Variants in PTPRO observed in about 807,000 individuals in gnomAD.
PTPRO encodes the protein receptor-type tyrosine-protein phosphatase O.
Under a neutral mutation model 145.2 loss-of-function variants are expected in PTPRO, and 62 were observed. That is an observed-to-expected ratio of 0.43 (90% CI 0.35 to 0.53). PTPRO has a LOEUF of 0.53. Among genes scored for constraint, PTPRO ranks in the 20% least tolerant of loss-of-function variants. PTPRO has a pLI of 0.01. For synonymous variants in PTPRO, 565 were observed against 514.7 expected (o/e 1.10, Z -1.32); for missense variants, 1,345 against 1,482.7 (o/e 0.91, Z 1.53).
intron 18 of PTPRO, among the ~76,000 whole-genome samples, chr12:15,568,709 T>C (rs545575053): frequency 6.6e-6 from 1 of 152,328 alleles, no homozygotes; most frequent in South Asian, 2.1e-4. Context: ...GAACTTCTGC[T>C]GCGGATGCAG....
At chr12:15,489,093 A>G (rs527736822) in intron 2 of PTPRO, among the ~76,000 whole-genome samples, 1 of 152,198 alleles carries the variant, frequency 6.6e-6, no homozygotes, top group Non-Finnish European at 1.5e-5. Flanking sequence ...TATCAGGTAC[A>G]TTCTCTGTGC....
intron 1 of PTPRO, among the ~76,000 whole-genome samples, chr12:15,442,295 A>AT (rs988683446): frequency 3.9e-5 from 6 of 152,056 alleles, no homozygotes; most frequent in South Asian, 2.1e-4. Context: ...AAATCCAACA[A>AT]TTTTTTGTGA....
chr12:15,376,557 A>G (rs1179596611), intron 1 of PTPRO, among the ~76,000 whole-genome samples: 1 of 152,196 alleles, frequency 6.6e-6, no homozygotes. Context: ...GTCTTAGTTC[A>G]TTCAGAATGC....
At chr12:15,463,932 G>C (rs1480522060) in intron 1 of PTPRO, among the ~76,000 whole-genome samples, 1 of 152,224 alleles carries the variant, frequency 6.6e-6, no homozygotes, top group Non-Finnish European at 1.5e-5. Flanking sequence ...TGGTTATGTG[G>C]ATGGATAGAT....
Position 15,560,271 on chromosome 12 carries a change from T to A in PTPRO, c.2706T>A (p.Asn902Lys). 1 of 1,570,702 alleles carries A rather than the reference T, an allele frequency of 6.4e-7. No homozygotes were observed. Among genetic ancestry groups the A allele is most frequent in the Non-Finnish European group, 8.8e-7 (1 of 1,141,382 alleles). The change falls in exon 17 of 27, where the codon AAT (asparagine) becomes AAA (lysine). Residue 902 changes from asparagine to lysine, a missense_variant. Asn to Lys is a moderately conservative substitution (Grantham distance 94). Around this residue, in one of 3 missense-constraint regions of PTPRO, gnomAD observed 1,130 missense variants for 1,214.7 expected, o/e 0.93. Transcript: ENST00000281171. ...WTDYLLAFYI[N>K]PWSKNGLKKR... ...ATTATCTTTTGGCATTTTATATTAA[T>A]CCTTGGTAAGTGATTTTTTTTTACT...
intron 1 of PTPRO, among the ~76,000 whole-genome samples, chr12:15,460,839 A>G (rs1176867629): frequency 6.6e-6 from 1 of 152,196 alleles, no homozygotes; most frequent in South Asian, 2.1e-4. Context: ...AGAAGTTGGC[A>G]TAACCTGTGC....
chr12:15,556,494 T>C (rs1943629575), intron 15 of PTPRO, among the ~76,000 whole-genome samples: 1 of 152,082 alleles, frequency 6.6e-6, no homozygotes, highest in Non-Finnish European at 1.5e-5. Context: ...ATGTTTACTT[T>C]TTCTCTACTT....
intron 1 of PTPRO, among the ~76,000 whole-genome samples, chr12:15,444,479 TC>T (rs1462451259): frequency 6.6e-6 from 1 of 151,518 alleles, no homozygotes; most frequent in Non-Finnish European, 1.5e-5. Context: ...TACCCCCAAA[TC>T]AAAACTAAAA....
At chr12:15,380,287 TAGTC>T (rs1279131053) in intron 1 of PTPRO, among the ~76,000 whole-genome samples, 2 of 152,076 alleles carry the variant, frequency 1.3e-5, no homozygotes, top group Non-Finnish European at 2.9e-5. Context: ...AGAAAAATAA[TAGTC>T]AGGGACAATT....
chr12:15,443,739 T>C (rs926039604), intron 1 of PTPRO, among the ~76,000 whole-genome samples: 1 of 151,846 alleles, frequency 6.6e-6, no homozygotes, highest in Non-Finnish European at 1.5e-5. Context: ...GAAAAGATGC[T>C]CATCATCACT....
chr12:15,469,199 T>A (rs1941482868), intron 1 of PTPRO, among the ~76,000 whole-genome samples: 1 of 152,176 alleles, frequency 6.6e-6, no homozygotes. Flanking sequence ...TTTCAATAAG[T>A]GGGACAGCTA....
intron 7 of PTPRO, among the ~76,000 whole-genome samples, 175 bp from the exon 8 acceptor site, chr12:15,515,323 T>A (rs968657737): frequency 6.6e-6 from 1 of 152,148 alleles, no homozygotes; most frequent in Non-Finnish European, 1.5e-5. Context: ...TTCCCTTCAA[T>A]GTTCACATAA....
At chr12:15,513,128 G>A (rs1467087065) in intron 7 of PTPRO, among the ~76,000 whole-genome samples, 238 of 23,744 alleles carry the variant, frequency 0.01, 7 homozygotes, top group South Asian at 0.016. Flanking sequence ...AGGAAGGAAG[G>A]AAGGAAGGAA....
At chr12:15,491,965 C>A (rs887573849) in intron 2 of PTPRO, among the ~76,000 whole-genome samples, 2 of 147,298 alleles carry the variant, frequency 1.4e-5, no homozygotes, top group African/African-American at 4.9e-5. Context: ...AACAAACAAA[C>A]AAAAACATAC....
intron 17 of PTPRO, among the ~76,000 whole-genome samples, chr12:15,563,724 AAT>A (rs1239132133): frequency 2.0e-5 from 3 of 152,160 alleles, no homozygotes; most frequent in African/African-American, 7.2e-5. Context: ...GTAGCAGCTT[AAT>A]ATTTCAGCAC....
At chr12:15,507,378 C>G (rs1942342504) in intron 6 of PTPRO, among the ~76,000 whole-genome samples, 1 of 151,224 alleles carries the variant, frequency 6.6e-6, no homozygotes, top group African/African-American at 2.4e-5. Context: ...AGGCTGCACT[C>G]CAGCCTGGGT....
intron 1 of PTPRO, among the ~76,000 whole-genome samples, chr12:15,413,608 A>C (rs1939863226): frequency 6.6e-6 from 1 of 152,132 alleles, no homozygotes; most frequent in Non-Finnish European, 1.5e-5. Flanking sequence ...TGAAGTCAGG[A>C]GCTCAAGACC....
At chr12:15,421,583 T>C (rs946639280) in intron 1 of PTPRO, among the ~76,000 whole-genome samples, 1 of 152,140 alleles carries the variant, frequency 6.6e-6, no homozygotes, top group Non-Finnish European at 1.5e-5. Context: ...TGCCAGCAGG[T>C]TTTTACTTCA....
chr12:15,562,949 T>G (rs1394049743), intron 17 of PTPRO, among the ~76,000 whole-genome samples: 1 of 152,112 alleles, frequency 6.6e-6, no homozygotes, highest in Non-Finnish European at 1.5e-5. Flanking sequence ...GGTTTCTGCT[T>G]AGCTCATCAA....
Sources: gnomAD v4.1 joint callset for allele counts (sites outside exome capture counted in the v4.1 genomes callset) on GRCh38, gnomAD v4.1.1 for gene constraint, gnomAD v4.1.1 regional missense constraint, MANE v1.5 for transcripts, NCBI Gene and HGNC (gene_info 2026-07-23, HGNC 2026-07-21) for gene names.